The following POR variants were observed in gnomAD, a reference collection of about 807,000 sequenced individuals.
The protein encoded by POR is cytochrome p450 oxidoreductase.
A neutral mutation model predicts 84.0 loss-of-function variants in POR; 56 were observed. That is an observed-to-expected ratio of 0.67 (90% confidence interval 0.54 to 0.83). The LOEUF (loss-of-function observed/expected upper bound fraction) is 0.83, where lower values mean the gene tolerates loss of function less well. Ranked by LOEUF, POR falls within the 40% of genes least tolerant of loss-of-function variation. The pLI is 0.00. For synonymous variants in POR, 414 were observed against 400.5 expected (o/e 1.03, Z -0.40); for missense variants, 938 against 944.3 (o/e 0.99, Z 0.09).
intron 2 of POR, among the ~76,000 whole-genome samples, chr7:75,955,278 G>A (rs188025638): frequency 6.6e-6 from 1 of 152,284 alleles, no homozygotes; most frequent in East Asian, 1.9e-4. Flanking sequence ...AAGAATAAGT[G>A]AAAAAGATGG....
intron 1 of POR, chr7:75,947,026 AGTGCTAGCTTG>A (rs1554552205): frequency 6.6e-6 from 1 of 152,200 alleles, no homozygotes; most frequent in Non-Finnish European, 1.5e-5. Context: ...CTCCATGCGA[AGTGCTAGCTTG>A]GGACAGTTCA....
At chr7:75,981,462 C>T in intron 6 of POR, 55 bp from the exon 7 acceptor site, 2 of 1,513,930 alleles carry the variant, frequency 1.3e-6, no homozygotes, top group South Asian at 2.4e-5. Context: ...GCACCAGGTA[C>T]CGTTGCCACA....
intron 1 of POR, among the ~76,000 whole-genome samples, chr7:75,933,511 C>T (rs1329254441): frequency 6.6e-6 from 1 of 150,528 alleles, no homozygotes; most frequent in Non-Finnish European, 1.5e-5. Flanking sequence ...GCCTCAGCCT[C>T]TGGAGCAGCC....
At chr7:75,920,638 G>A (rs998705029) in intron 1 of POR, among the ~76,000 whole-genome samples, 2 of 152,074 alleles carry the variant, frequency 1.3e-5, no homozygotes, top group South Asian at 2.1e-4. Flanking sequence ...TGGTGATGCC[G>A]GTGTTCTTAG....
rs1554559518 is a variant in POR, at chr7:75,986,465, T to C, written c.2027T>C (p.Leu676Pro). The change falls in exon 16 of 16, where the codon CTG becomes CCG. Residue 676 changes from leucine to proline, a missense_variant. By Grantham distance (98) the Leu-to-Pro change is moderately conservative (BLOSUM62 -3). Transcript: ENST00000461988. The stretch of plus-strand genomic sequence containing the variant: ...CTGATGACCAAGGGCCGCTACTCCC[T>C]GGACGTGTGGAGCTAGGGGCCTGCC... The C allele has an allele frequency of 6.2e-7, 1 of 1,610,540 alleles. No homozygotes were observed. Among genetic ancestry groups the C allele is most frequent in the South Asian group, 1.1e-5 (1 of 91,014 alleles).
chr7:75,941,359 A>G (rs1190472487), intron 1 of POR, among the ~76,000 whole-genome samples: 6 of 152,136 alleles, frequency 3.9e-5, no homozygotes, highest in Non-Finnish European at 8.8e-5. Context: ...TTCCGGAAGT[A>G]TTTCTCTAGC....
chr7:75,923,170 C>G, intron 1 of POR: 2 of 1,116,120 alleles, frequency 1.8e-6, no homozygotes, highest in Non-Finnish European at 2.7e-6. Context: ...CATTTTGAAA[C>G]GTAGACAAGC....
chr7:75,935,788 C>G (rs140311979), intron 1 of POR, among the ~76,000 whole-genome samples: 21 of 152,122 alleles, frequency 1.4e-4, no homozygotes, highest in African/African-American at 4.8e-4. Flanking sequence ...GGTCTGTTCC[C>G]AGGCCCTTGG....
In POR at chr7:75,982,166, C is replaced by T. The variant is rs1789087789; in HGVS notation, c.732-58C>T. On this transcript the variant is annotated intron_variant, in intron 7 of 15. Coordinates refer to ENST00000461988, the MANE Select transcript of POR (RefSeq NM_000941.3). ...CGGTCTCCCCTGTAGTCCAACCCCT[C>T]CCTCTCGGGACTGACCCCTGCCGCT... 8 of 1,359,696 alleles carry T rather than the reference C, an allele frequency of 5.9e-6. No homozygotes were observed. In the South Asian group the frequency reaches 8.7e-5, roughly 15 times the overall value. 84.2% of individuals were successfully genotyped at this position (1,359,696 alleles called of 1,614,324 possible). A position where few individuals can be genotyped will look rare whatever the true frequency, so the allele number is the denominator to read the frequency against.
intron 1 of POR, among the ~76,000 whole-genome samples, chr7:75,917,985 G>A (rs1205150128): frequency 2.6e-5 from 4 of 152,070 alleles, no homozygotes; most frequent in African/African-American, 9.7e-5. Flanking sequence ...GCAACACGGC[G>A]AATCCCTGTC....
intron 1 of POR, among the ~76,000 whole-genome samples, chr7:75,937,291 CAAAAAAAA>C (rs1227123390): frequency 5.4e-4 from 36 of 66,276 alleles, no homozygotes; most frequent in South Asian, 4.5e-3. Context: ...CCCATCTCTA[CAAAAAAAA>C]AAAAAAAACA....
chr7:75,967,902 C>T, intron 2 of POR: 1 of 373,122 alleles, frequency 2.7e-6, no homozygotes, highest in Admixed American at 3.2e-5. Flanking sequence ...CAGGGAAATT[C>T]CGAGAGGACT....
chr7:75,985,546 G>T lies in POR; in HGVS notation c.1399-33G>T, dbSNP rs2302432. The stretch of plus-strand genomic sequence containing the variant: ...GCCGGGGCTGGGCAAGGGCCTCGGT[G>T]TGGCGGTGGAGCTCACACGGCCCTC... On this transcript the variant is annotated intron_variant, in intron 12 of 15. Transcript: ENST00000461988. The T allele has an allele frequency of 0.94, 1,401,279 of 1,498,426 alleles. 660,305 individuals are homozygous for T. Among genetic ancestry groups the T allele is most frequent in the Non-Finnish European group, 0.96 (1,076,773 of 1,119,604 alleles). 92.8% of individuals were successfully genotyped at this position (1,498,426 alleles called of 1,614,324 possible).
At chr7:75,929,922 C>T (rs1807326704) in intron 1 of POR, among the ~76,000 whole-genome samples, 1 of 152,114 alleles carries the variant, frequency 6.6e-6, no homozygotes, top group Admixed American at 6.5e-5. Context: ...ACCATCAAGA[C>T]CATTATGGGC....
chr7:75,918,143 C>T (rs1554548299), intron 1 of POR, among the ~76,000 whole-genome samples: 1 of 152,106 alleles, frequency 6.6e-6, no homozygotes, highest in African/African-American at 2.4e-5. Flanking sequence ...CCCGTCTCTA[C>T]TAAAAATACA....
chr7:75,930,104 C>T (rs1446246964), intron 1 of POR, among the ~76,000 whole-genome samples: 2 of 152,130 alleles, frequency 1.3e-5, no homozygotes, highest in East Asian at 1.9e-4. Context: ...TTTCTCTAAA[C>T]AGGTTTATCA....
chr7:75,974,654 G>A (rs782540598), intron 3 of POR, among the ~76,000 whole-genome samples: 1 of 150,258 alleles, frequency 6.7e-6, no homozygotes, highest in Non-Finnish European at 1.5e-5. Flanking sequence ...ATTCTCCTGA[G>A]TAGCTGGGAT....
At chr7:75,967,966 G>C (rs1414328979) in intron 2 of POR, 2 of 446,876 alleles carry the variant, frequency 4.5e-6, no homozygotes, top group East Asian at 1.4e-4. Context: ...TTCCTCACCA[G>C]TACGGAACAG....
At chr7:75,984,029 T>C (rs1789249847) in intron 10 of POR, among the ~76,000 whole-genome samples, 173 bp downstream of exon 10, 1 of 152,064 alleles carries the variant, frequency 6.6e-6, no homozygotes, top group African/African-American at 2.4e-5. Flanking sequence ...GGGGTGGCCC[T>C]AGGGGTCTAG....
Sources: gnomAD v4.1 joint callset for allele counts (sites outside exome capture counted in the v4.1 genomes callset) on GRCh38, gnomAD v4.1.1 for gene constraint, MANE v1.5 for transcripts, NCBI Gene and HGNC (gene_info 2026-07-23, HGNC 2026-07-21) for gene names.